Variants in NTM observed in about 807,000 individuals in gnomAD.
NTM encodes the protein IgLON family member 2.
Under a neutral mutation model 42.1 loss-of-function variants are expected in NTM, and 13 were observed. The ratio of observed to expected loss-of-function variants is 0.31; its 90% CI spans 0.20 to 0.49. The LOEUF (loss-of-function observed/expected upper bound fraction) is 0.49. Ranked by LOEUF, NTM falls within the 20% of genes least tolerant of loss-of-function variation. The pLI is 0.99. For synonymous variants in NTM, 187 were observed against 179.2 expected, an observed-to-expected ratio of 1.04 and a Z score of -0.35; for missense variants, 373 against 452.8, an observed-to-expected ratio of 0.82 and a Z score of 1.60.
rs138697534 is a variant in NTM at position 132,280,475 on chromosome 11, CTTTTTTTTT to C, written c.527-27194_527-27186del. ...CACCACACTGTCCTGATACTCTCTT[CTTTTTTTTT>C]TTTTTTTTTTTTTTTTTTTGAGATG... On this transcript the variant is annotated intron_variant, in intron 4 of 8. Coordinates refer to ENST00000683400, the MANE Select transcript of NTM (RefSeq NM_001352005.2). Among the ~76,000 whole-genome samples, 7 of 82,442 alleles carry C rather than the reference CTTTTTTTTT, an allele frequency of 8.5e-5. No individual in the cohort carries two copies. In the East Asian group the frequency reaches 2.9e-3, roughly 34 times the overall value. The allele number at this position is 82,442 out of a possible 152,430, so 54.1% of individuals were successfully genotyped here. A position where few individuals can be genotyped will look rare whatever the true frequency, so the allele number is the denominator to read the frequency against.
intron 1 of NTM, among the ~76,000 whole-genome samples, chr11:131,432,996 A>T (rs186822674): frequency 1.5e-4 from 23 of 151,698 alleles, no homozygotes; most frequent in Non-Finnish European, 2.9e-4. Context: ...CTGGGACTGC[A>T]GGCGCCCGCC....
At chr11:132,113,159 G>A (rs1337258069) in intron 2 of NTM, among the ~76,000 whole-genome samples, 1 of 152,194 alleles carries the variant, frequency 6.6e-6, no homozygotes, top group Admixed American at 6.5e-5. Flanking sequence ...ATCAGGTTAA[G>A]GATGGGAGCA....
chr11:131,595,797 A>G lies in NTM; in HGVS notation c.82+224909A>G, dbSNP rs75268791. Among the ~76,000 whole-genome samples the G allele has an allele frequency of 3.6e-3, 542 of 152,390 alleles. 6 individuals are homozygous for G. The highest frequency in any genetic ancestry group is 0.012 in the African/African-American group (499 of 41,602). On this transcript the variant is annotated intron_variant, in intron 1 of 8. Coordinates refer to ENST00000683400, the MANE Select transcript of NTM (RefSeq NM_001352005.2). Reference sequence around the variant, plus strand: ...ATTTGCAGGAAGGCAAGAGTAGCCCAGGAAGACCTCAAAAGCAAACCTTAA... The same window carrying G: ...ATTTGCAGGAAGGCAAGAGTAGCCCGGGAAGACCTCAAAAGCAAACCTTAA...
chr11:132,236,922 C>T (rs1222893571), intron 4 of NTM, among the ~76,000 whole-genome samples: 3 of 152,264 alleles, frequency 2.0e-5, no homozygotes, highest in African/African-American at 7.2e-5. Flanking sequence ...CACCACATGG[C>T]GAGACCTTCA....
At chr11:131,936,400 A>G (rs192544012) in intron 2 of NTM, among the ~76,000 whole-genome samples, 76 of 152,254 alleles carry the variant, frequency 5.0e-4, no homozygotes, top group African/African-American at 1.7e-3. Context: ...CCTTTTTATC[A>G]AGCCTTGGGC....
chr11:131,845,980 A>T (rs1440834811), intron 1 of NTM, among the ~76,000 whole-genome samples: 1 of 152,160 alleles, frequency 6.6e-6, no homozygotes, highest in East Asian at 1.9e-4. Flanking sequence ...CTTTTGAGTT[A>T]TCTGTATCTT....
chr11:131,554,995 C>T (rs1454983017), intron 1 of NTM, among the ~76,000 whole-genome samples: 1 of 152,128 alleles, frequency 6.6e-6, no homozygotes, highest in Non-Finnish European at 1.5e-5. Flanking sequence ...AAGCTATACA[C>T]TTTCTAAATC....
intron 4 of NTM, among the ~76,000 whole-genome samples, chr11:132,290,778 A>T (rs1435559962): frequency 6.6e-6 from 1 of 152,154 alleles, no homozygotes; most frequent in East Asian, 1.9e-4. Flanking sequence ...TGTACAGTGA[A>T]TTGGGGATGG....
At chr11:131,695,177 A>G (rs1477396947) in intron 1 of NTM, among the ~76,000 whole-genome samples, 1 of 133,214 alleles carries the variant, frequency 7.5e-6, no homozygotes, top group Non-Finnish European at 1.6e-5. Context: ...CCCTGAAAAG[A>G]AAAATCTCTG....
At chr11:131,572,096 G>A (rs1338705589) in intron 1 of NTM, among the ~76,000 whole-genome samples, 6 of 152,152 alleles carry the variant, frequency 3.9e-5, no homozygotes, top group African/African-American at 9.7e-5. Flanking sequence ...GTCAACCCAC[G>A]GTGCTTGGCT....
At chr11:131,506,032 C>G (rs1003977826) in intron 1 of NTM, among the ~76,000 whole-genome samples, 1 of 151,956 alleles carries the variant, frequency 6.6e-6, no homozygotes, top group African/African-American at 2.4e-5. Flanking sequence ...TGTCTGATGT[C>G]AGTTATCACT....
intron 3 of NTM, among the ~76,000 whole-genome samples, chr11:132,209,486 G>A (rs551969095): frequency 6.6e-6 from 1 of 152,202 alleles, no homozygotes; most frequent in Non-Finnish European, 1.5e-5. Context: ...ATCTAAAAAT[G>A]ATTAACTGTT....
At chr11:132,175,026 G>T (rs542609202) in intron 3 of NTM, among the ~76,000 whole-genome samples, 7 of 152,148 alleles carry the variant, frequency 4.6e-5, no homozygotes, top group Non-Finnish European at 1.0e-4. Context: ...TCCCCCTGCA[G>T]CCTGCTGGAG....
At chr11:131,639,681 G>A (rs563313894) in intron 1 of NTM, among the ~76,000 whole-genome samples, 13 of 152,310 alleles carry the variant, frequency 8.5e-5, no homozygotes, top group East Asian at 5.8e-4. Context: ...GCCCTGGCCC[G>A]GCGCGGTGGC....
At chr11:131,522,056 A>G (rs969133092) in intron 1 of NTM, among the ~76,000 whole-genome samples, 3 of 152,334 alleles carry the variant, frequency 2.0e-5, no homozygotes, top group African/African-American at 7.2e-5. Flanking sequence ...TGAAAAGACT[A>G]CAGTGGAAAG....
chr11:132,039,906 A>G (rs538697), intron 2 of NTM, among the ~76,000 whole-genome samples: 137,304 of 152,162 alleles, frequency 0.9, 62,205 homozygotes, highest in East Asian at 1. Flanking sequence ...TAACCACCTG[A>G]AAGTCATTCC....
intron 1 of NTM, among the ~76,000 whole-genome samples, chr11:131,518,688 G>A (rs1255072273): frequency 6.6e-6 from 1 of 152,110 alleles, no homozygotes; most frequent in Non-Finnish European, 1.5e-5. Context: ...TGGTGTAAGG[G>A]GCTCTCTTTC....
At chr11:132,107,939 A>G (rs2062622662) in intron 2 of NTM, among the ~76,000 whole-genome samples, 1 of 152,090 alleles carries the variant, frequency 6.6e-6, no homozygotes, top group African/African-American at 2.4e-5. Flanking sequence ...TTGCTCCAAC[A>G]TCTCCACTGA....
intron 3 of NTM, among the ~76,000 whole-genome samples, chr11:132,197,983 G>A (rs377692007): frequency 4.4e-4 from 67 of 152,180 alleles, no homozygotes; most frequent in African/African-American, 1.6e-3. Flanking sequence ...CTTTATAGCA[G>A]CAAGATTTAT....
Sources: allele counts gnomAD v4.1 joint callset (sites outside exome capture counted in the v4.1 genomes callset), GRCh38; gene constraint gnomAD v4.1.1; transcripts MANE v1.5; gene names NCBI Gene and HGNC (gene_info 2026-07-23, HGNC 2026-07-21).